The following NAV3 variants were observed in gnomAD, a reference collection of about 807,000 sequenced individuals.
The protein encoded by NAV3 is neuron navigator 3, also known as pore membrane and/or filament interacting like protein 1.
In NAV3, 87 loss-of-function variants were observed where a neutral mutation model predicts 244.7. That is an observed-to-expected ratio of 0.36 (90% CI 0.30 to 0.42). The LOEUF is 0.42. Ranked by LOEUF, NAV3 falls within the 20% of genes least tolerant of loss-of-function variation. NAV3 has a pLI of 1.00. For synonymous variants in NAV3, 1,126 were observed against 1,042.2 expected (o/e 1.08, Z -1.55); for missense variants, 2,663 against 2,893.3 (o/e 0.92, Z 1.83).
chr12:78,043,742 G>C (rs1435242837), intron 9 of NAV3, among the ~76,000 whole-genome samples: 1 of 152,166 alleles, frequency 6.6e-6, no homozygotes, highest in East Asian at 1.9e-4. Context: ...CTTTTGAGAG[G>C]TGTCTGTTCA....
intron 2 of NAV3, among the ~76,000 whole-genome samples, chr12:77,779,434 A>G (rs928433755): frequency 6.6e-6 from 1 of 152,190 alleles, no homozygotes; most frequent in Non-Finnish European, 1.5e-5. Flanking sequence ...GTTAGTAAGA[A>G]CTAATACGTA....
chr12:77,937,414 A>C (rs553747495), intron 1 of NAV3, among the ~76,000 whole-genome samples: 2 of 152,312 alleles, frequency 1.3e-5, no homozygotes, highest in African/African-American at 4.8e-5. Context: ...AATTTGGATA[A>C]AGGCTAAGGA....
intron 2 of NAV3, among the ~76,000 whole-genome samples, chr12:77,710,105 A>T (rs1032565717): frequency 1.3e-5 from 2 of 152,188 alleles, no homozygotes; most frequent in Non-Finnish European, 2.9e-5. Context: ...AGATTCTAAT[A>T]AAAAAAGCCA....
intron 1 of NAV3, among the ~76,000 whole-genome samples, chr12:77,920,249 A>T (rs946033771): frequency 6.6e-6 from 1 of 152,056 alleles, no homozygotes; most frequent in Non-Finnish European, 1.5e-5. Flanking sequence ...CCCATAATTA[A>T]AATTAGTGCT....
At chr12:77,885,845 A>T (rs1441401674) in intron 1 of NAV3, among the ~76,000 whole-genome samples, 1 of 152,128 alleles carries the variant, frequency 6.6e-6, no homozygotes, top group East Asian at 1.9e-4. Flanking sequence ...CAGTTCTACC[A>T]TTCTTCTCAC....
At chr12:77,822,572 G>C (rs1203518345) in intron 2 of NAV3, among the ~76,000 whole-genome samples, 1 of 152,000 alleles carries the variant, frequency 6.6e-6, no homozygotes, top group South Asian at 2.1e-4. Context: ...TTAGAAGCCA[G>C]GTCTGGAGAA....
At chr12:78,117,182 T>C (rs1955435806) in intron 13 of NAV3, among the ~76,000 whole-genome samples, 1 of 136,680 alleles carries the variant, frequency 7.3e-6, no homozygotes, top group African/African-American at 2.7e-5. Context: ...TATATATATA[T>C]ATATATATAT....
intron 1 of NAV3, among the ~76,000 whole-genome samples, chr12:77,863,724 G>GAAA (rs34525024): frequency 6.8e-6 from 1 of 148,018 alleles, no homozygotes; most frequent in Non-Finnish European, 1.5e-5. Context: ...TTCTTACAAT[G>GAAA]AAAAAAAAAA....
At chr12:77,977,712 G>GCGCACACACACACA (rs1349366739) in intron 5 of NAV3, among the ~76,000 whole-genome samples, 2 of 143,000 alleles carry the variant, frequency 1.4e-5, no homozygotes, top group African/African-American at 5.1e-5. Flanking sequence ...ACACACACGC[G>GCGCACACACACACA]CACACACACA....
chr12:77,611,929 T>C (rs896090173), intron 2 of NAV3, among the ~76,000 whole-genome samples: 3 of 152,092 alleles, frequency 2.0e-5, no homozygotes, highest in African/African-American at 7.2e-5. Context: ...TATTCATTGC[T>C]TTTTGTTGTC....
At chr12:78,042,612 G>T (rs1182274851) in intron 9 of NAV3, among the ~76,000 whole-genome samples, 1 of 151,580 alleles carries the variant, frequency 6.6e-6, no homozygotes, top group Admixed American at 6.6e-5. Context: ...GACCAACATG[G>T]TGAAACCCCA....
chr12:77,614,812 A>G (rs577240005), intron 2 of NAV3, among the ~76,000 whole-genome samples: 2 of 152,318 alleles, frequency 1.3e-5, no homozygotes, highest in South Asian at 4.1e-4. Context: ...ATTGGTGCAT[A>G]GTAAGTACTT....
chr12:78,144,539 G>A (rs146085239), intron 20 of NAV3, among the ~76,000 whole-genome samples: 1 of 152,028 alleles, frequency 6.6e-6, no homozygotes, highest in Non-Finnish European at 1.5e-5. Flanking sequence ...GAGTACGAAA[G>A]AAGGCAAAGG....
chr12:77,794,410 C>T (rs180920713), intron 2 of NAV3, among the ~76,000 whole-genome samples: 10 of 152,204 alleles, frequency 6.6e-5, no homozygotes, highest in Admixed American at 5.2e-4. Flanking sequence ...TTTCAAGATC[C>T]CTACACCCTT....
At chr12:77,817,743 T>C (rs1228831868) in intron 2 of NAV3, among the ~76,000 whole-genome samples, 1 of 152,196 alleles carries the variant, frequency 6.6e-6, no homozygotes, top group Non-Finnish European at 1.5e-5. Flanking sequence ...ATGCTCGTTA[T>C]GTAAGATAGC....
At chr12:77,861,716 A>G (rs1031915508) in intron 1 of NAV3, among the ~76,000 whole-genome samples, 2 of 151,820 alleles carry the variant, frequency 1.3e-5, no homozygotes, top group Non-Finnish European at 3.0e-5. Context: ...GATTATTGAA[A>G]AAACAGAAAT....
chr12:78,084,173 A>G (rs981652857), intron 12 of NAV3, among the ~76,000 whole-genome samples: 1 of 152,146 alleles, frequency 6.6e-6, no homozygotes, highest in African/African-American at 2.4e-5. Context: ...ATTCACAACT[A>G]TTCTTTCTCC....
At chr12:77,872,114 C>T (rs184247252) in intron 1 of NAV3, among the ~76,000 whole-genome samples, 7 of 152,198 alleles carry the variant, frequency 4.6e-5, no homozygotes, top group African/African-American at 1.7e-4. Context: ...TCATATACTT[C>T]ACCCACTTTT....
At chr12:77,932,854 T>C (rs1205594042) in intron 1 of NAV3, among the ~76,000 whole-genome samples, 2 of 152,272 alleles carry the variant, frequency 1.3e-5, no homozygotes, top group Non-Finnish European at 2.9e-5. Flanking sequence ...CCCTTCCCCA[T>C]GTTCTGGCCA....
Sources: gnomAD v4.1 joint callset for allele counts (sites outside exome capture counted in the v4.1 genomes callset) on GRCh38, gnomAD v4.1.1 for gene constraint, MANE v1.5 for transcripts, NCBI Gene and HGNC (gene_info 2026-07-23, HGNC 2026-07-21) for gene names.